ZNF606: variants seen among roughly 807,000 people sequenced by gnomAD.
ZNF606 encodes the protein zinc finger protein 328.
Under a neutral mutation model 74.9 loss-of-function variants are expected in ZNF606, and 37 were observed. That is an observed-to-expected ratio of 0.49 (90% confidence interval 0.38 to 0.65). The LOEUF (loss-of-function observed/expected upper bound fraction) is 0.65, where lower values mean the gene tolerates loss of function less well. ZNF606 is among the 30% of genes least tolerant of loss of function. The pLI is 0.00. For synonymous variants in ZNF606, 328 were observed against 312.4 expected, an observed-to-expected ratio of 1.05 and a Z score of -0.53; for missense variants, 852 against 952.9, an observed-to-expected ratio of 0.89 and a Z score of 1.39.
Position 57,978,857 on chromosome 19 carries a change from C to T in ZNF606, c.1823G>A (p.Arg608His), listed in dbSNP as rs1322032013. The T allele has an allele frequency of 4.3e-6, 7 of 1,614,040 alleles. No individual in the cohort carries two copies. Among genetic ancestry groups the T allele is most frequent in the African/African-American group, 1.3e-5 (1 of 75,000 alleles). Residue 608 changes from arginine to histidine, a missense_variant, in exon 7 of 7, where the codon CGC becomes CAC. Physicochemically the swap from Arg to His is conservative, Grantham distance 29. This residue lies in a region of ZNF606 where 243 missense variants were observed against 359.2 expected (regional missense o/e 0.68). Coordinates refer to ENST00000551380, the MANE Select transcript of ZNF606 (RefSeq NM_001348022.3). The surrounding 1 kb of genome is among the most constrained non-coding windows in gnomAD (Gnocchi z 4.4). ...TATCTCATGTTTAGTGAGGGCTGAGCGTTCTCTGAATGCTTTGCCACATTC... is the reference window on the plus strand; with the variant it reads ...TATCTCATGTTTAGTGAGGGCTGAGTGTTCTCTGAATGCTTTGCCACATTC... ...CQECGKAFRERSALTKHEIIH... is the reference protein window; with the variant it reads ...CQECGKAFREHSALTKHEIIH...
chr19:58,002,785 C>T lies in ZNF606; in HGVS notation c.-441G>A, dbSNP rs1043281074. ...AGCCTGAGCAAAGGCCTCACCTCAGCCGCGGACAATGGCGGCTGCTTCCCC... is the reference window on the plus strand; with the variant it reads ...AGCCTGAGCAAAGGCCTCACCTCAGTCGCGGACAATGGCGGCTGCTTCCCC... On this transcript the variant is annotated 5_prime_UTR_variant, in exon 1 of 7. Coordinates refer to ENST00000551380, the MANE Select transcript of ZNF606 (RefSeq NM_001348022.3). 3 of 452,878 alleles carry T rather than the reference C, an allele frequency of 6.6e-6. No individual in the cohort carries two copies. The highest frequency in any genetic ancestry group is 8.9e-6 in the Non-Finnish European group (2 of 225,462). The allele number at this position is 452,878 out of a possible 1,614,324, so 28.1% of individuals were successfully genotyped here. A position where few individuals can be genotyped will look rare whatever the true frequency, so the allele number is the denominator to read the frequency against.
Position 57,999,905 on chromosome 19 carries a change from C to A in ZNF606, c.89-9G>T. 1 of 1,612,054 alleles carries A rather than the reference C, an allele frequency of 6.2e-7. No individual in the cohort carries two copies. Among genetic ancestry groups the A allele is most frequent in the African/African-American group, 1.3e-5 (1 of 74,964 alleles). ...ATACTGAGGACACAGAGCTAGGAAA[C>A]GAGAAAAAAGTCATGGAGGCAGCTC... is the stretch of plus-strand genomic sequence containing the variant. On this transcript the variant is annotated splice_polypyrimidine_tract_variant and intron_variant, in intron 3 of 6. Transcript: ENST00000551380.
chr19:58,001,797 G>A (rs1323291869), intron 1 of ZNF606, among the ~76,000 whole-genome samples: 5 of 152,198 alleles, frequency 3.3e-5, no homozygotes, highest in Non-Finnish European at 1.5e-5. Flanking sequence ...ATTAGATAAT[G>A]GGGATGATTG....
chr19:57,999,327 G>C (rs1165514804), intron 4 of ZNF606: 1 of 161,728 alleles, frequency 6.2e-6, no homozygotes, highest in Non-Finnish European at 1.3e-5. Flanking sequence ...ACCCGTCTCA[G>C]GTTTCTCCTG....
chr19:58,002,274 G>C, intron 1 of ZNF606, 122 bp downstream of exon 1: 1 of 456,738 alleles, frequency 2.2e-6, no homozygotes, highest in Non-Finnish European at 4.4e-6. Flanking sequence ...AACGAACGGG[G>C]TTATTCGTCC....
Position 57,977,317 on chromosome 19 carries a change from G to C in ZNF606, c.*984C>G, listed in dbSNP as rs1179874874. On this transcript the variant is annotated 3_prime_UTR_variant, in exon 7 of 7. Coordinates refer to ENST00000551380, the MANE Select transcript of ZNF606 (RefSeq NM_001348022.3). ...AACAGTACCTATCTCAGAGTAAAGGGGACTAAACAAGTTAACACTTGGAAA... is the reference window on the plus strand; with the variant it reads ...AACAGTACCTATCTCAGAGTAAAGGCGACTAAACAAGTTAACACTTGGAAA... 6.6e-6 allele frequency: 1 copy of C among 152,008 alleles called. No individual in the cohort carries two copies. The highest frequency in any genetic ancestry group is 2.4e-5 in the African/African-American group (1 of 41,368). 9.4% of individuals were successfully genotyped at this position (152,008 alleles called of 1,614,324 possible). A position where few individuals can be genotyped will look rare whatever the true frequency, so the allele number is the denominator to read the frequency against.
In ZNF606 at chr19:57,988,310, T is replaced by G; in HGVS notation, c.305-8A>C. 1 of 1,611,654 alleles carries G rather than the reference T, an allele frequency of 6.2e-7. No homozygotes were observed. Among genetic ancestry groups the G allele is most frequent in the East Asian group, 2.2e-5 (1 of 44,864 alleles). On this transcript the variant is annotated splice_region_variant and splice_polypyrimidine_tract_variant and intron_variant, in intron 5 of 6. Transcript: ENST00000551380. Reference sequence around the variant, plus strand: ...GCTTGGCAATCTGATTTCCTATGCATGGAGGAAAAGCATGGAAATCATGTC... The same window carrying G: ...GCTTGGCAATCTGATTTCCTATGCAGGGAGGAAAAGCATGGAAATCATGTC...
At chr19:58,000,042 G>C in intron 3 of ZNF606, 146 bp from the exon 4 acceptor site, 2 of 683,886 alleles carry the variant, frequency 2.9e-6, no homozygotes, top group South Asian at 3.9e-5. Flanking sequence ...AAGGAATTAG[G>C]GCTCAGAGAA....
At chr19:57,985,282 C>T (rs2073147708) in intron 6 of ZNF606, among the ~76,000 whole-genome samples, 1 of 152,138 alleles carries the variant, frequency 6.6e-6, no homozygotes, top group Non-Finnish European at 1.5e-5. Flanking sequence ...AATGACAGCC[C>T]CCACTTCTGG....
Position 57,999,740 on chromosome 19 carries a change from C to T in ZNF606, c.177+68G>A, listed in dbSNP as rs753325033. On this transcript the variant is annotated intron_variant, in intron 4 of 6. Coordinates refer to ENST00000551380, the MANE Select transcript of ZNF606 (RefSeq NM_001348022.3). ...CTCCAACTGTTGTAAACTGGAGAGC[C>T]GCATCAACTGGGATGACCAGGGATA... The T allele has an allele frequency of 3.0e-5, 45 of 1,479,462 alleles. No homozygotes were observed. The Admixed American group carries it at 4.3e-4, about 14-fold the overall frequency. 91.6% of individuals were successfully genotyped at this position (1,479,462 alleles called of 1,614,324 possible).
At chr19:57,996,828 T>C (rs944580619) in intron 4 of ZNF606, among the ~76,000 whole-genome samples, 1 of 152,220 alleles carries the variant, frequency 6.6e-6, no homozygotes, top group African/African-American at 2.4e-5. Flanking sequence ...CAAAAGTGTT[T>C]CACCCAAATT....
upstream of ZNF606, chr19:58,003,062 G>T: frequency 2.4e-6 from 1 of 408,804 alleles, no homozygotes; most frequent in Non-Finnish European, 5.0e-6. Flanking sequence ...TCGCGGCCCC[G>T]CGGGCCTCGG....
intron 1 of ZNF606, among the ~76,000 whole-genome samples, chr19:58,001,850 T>C (rs1027812638): frequency 1.3e-5 from 2 of 152,224 alleles, no homozygotes; most frequent in African/African-American, 4.8e-5. Flanking sequence ...AATTGCACAC[T>C]TTTAAGTGCT....
At chr19:57,993,707 T>C (rs1391754654) in intron 4 of ZNF606, among the ~76,000 whole-genome samples, 1 of 152,230 alleles carries the variant, frequency 6.6e-6, no homozygotes, top group East Asian at 1.9e-4. Flanking sequence ...GTTCTCAGGC[T>C]GCCCAGGTGA....
chr19:57,978,450 C>T lies in ZNF606; in HGVS notation c.2230G>A (p.Ala744Thr), dbSNP rs746211680. The T allele has an allele frequency of 3.7e-6, 6 of 1,613,926 alleles. No homozygotes were observed. The highest frequency in any genetic ancestry group is 1.7e-5 in the Admixed American group (1 of 60,006). ...ATAAGGGAAGAATTCTTACAAAATG[C>T]TTTTTCACAATGATTACATTTGTAG... Reference protein sequence around the residue: ...KPYKCNHCEKAFCKNSSLIIH... With the variant: ...KPYKCNHCEKTFCKNSSLIIH... The change falls in exon 7 of 7, where the codon GCA becomes ACA. Residue 744 changes from alanine to threonine, a missense_variant. Physicochemically the swap from Ala to Thr is moderately conservative, Grantham distance 58. Coordinates refer to ENST00000551380, the MANE Select transcript of ZNF606 (RefSeq NM_001348022.3). The surrounding 1 kb of genome is among the most constrained non-coding windows in gnomAD (Gnocchi z 4.4).
chr19:57,997,806 AT>A (rs1314952020), intron 4 of ZNF606: 1 of 152,160 alleles, frequency 6.6e-6, no homozygotes, highest in African/African-American at 2.4e-5. Flanking sequence ...TTCACTACTG[AT>A]TATTCTGTCT....
rs753772381 is a variant in ZNF606, at chr19:57,978,562, T to C, written c.2118A>G (p.Lys706=). ...IAHRRTHTGE[K]PYRCNECGKA... ...TCCCACATTCATTACACCTGTATGG[T>C]TTCTCTCCAGTATGAGTTCTCCGGT... Residue 706 remains lysine (K), a synonymous_variant, in exon 7 of 7, where the codon AAA becomes AAG. Transcript: ENST00000551380. This position sits in a 1 kb window ranked among gnomAD's most constrained non-coding sequence, Gnocchi z 4.4. 6.2e-7 allele frequency: 1 copy of C among 1,614,180 alleles called. No homozygotes were observed. The highest frequency in any genetic ancestry group is 8.5e-7 in the Non-Finnish European group (1 of 1,180,038).
In ZNF606 at chr19:57,978,600, G is replaced by A; in HGVS notation, c.2080C>T (p.His694Tyr). The change falls in exon 7 of 7, where the codon CAC becomes TAC. Residue 694 changes from histidine to tyrosine, a missense_variant. This residue lies in a region of ZNF606 where 243 missense variants were observed against 359.2 expected (regional missense o/e 0.68). Coordinates refer to ENST00000551380, the MANE Select transcript of ZNF606 (RefSeq NM_001348022.3). This position sits in a 1 kb window ranked among gnomAD's most constrained non-coding sequence, Gnocchi z 4.4. The part of the protein sequence containing the change: ...QCERSFNCSS[H>Y]LIAHRRTHTG... Reference sequence around the variant, plus strand: ...TGAGTTCTCCGGTGTGCAATGAGGTGAGAACTACAGTTAAAGGATCTTTCA... The same window carrying A: ...TGAGTTCTCCGGTGTGCAATGAGGTAAGAACTACAGTTAAAGGATCTTTCA... 2 of 1,614,042 alleles carry A rather than the reference G, an allele frequency of 1.2e-6. No individual in the cohort carries two copies. Among genetic ancestry groups the A allele is most frequent in the Non-Finnish European group, 1.7e-6 (2 of 1,180,022 alleles).
At chr19:58,000,485 A>T (rs936875996) in intron 3 of ZNF606, 198 bp downstream of exon 3, 2 of 664,250 alleles carry the variant, frequency 3.0e-6, no homozygotes, top group African/African-American at 3.6e-5. Flanking sequence ...TCGGCCTCCC[A>T]AAGTGCTGTA....
Sources: allele counts gnomAD v4.1 joint callset (sites outside exome capture counted in the v4.1 genomes callset), GRCh38; gene constraint gnomAD v4.1.1; regional missense constraint gnomAD v4.1.1; non-coding constraint Gnocchi (gnomAD v3.1); transcripts MANE v1.5; gene names NCBI Gene and HGNC (gene_info 2026-07-23, HGNC 2026-07-21).